Variants in AKTIP observed in about 807,000 individuals in gnomAD.
AKTIP encodes the protein AKT-interacting protein.
Under a neutral mutation model 39.1 loss-of-function variants are expected in AKTIP, and 16 were observed. That is an observed-to-expected ratio of 0.41 (90% confidence interval 0.28 to 0.62). The LOEUF is 0.62. Among genes scored for constraint, AKTIP ranks in the 20% least tolerant of loss-of-function variants. The pLI, the probability that AKTIP is intolerant of heterozygous loss-of-function variation, is 0.32. For missense variants in AKTIP, 262 were observed against 356.6 expected, an observed-to-expected ratio of 0.73 and a Z score of 2.14; for synonymous variants, 93 against 124.3, an observed-to-expected ratio of 0.75 and a Z score of 1.67.
At chr16:53,497,724 C>T (rs1192945237) in intron 3 of AKTIP, among the ~76,000 whole-genome samples, 6 of 152,236 alleles carry the variant, frequency 3.9e-5, no homozygotes, top group African/African-American at 9.6e-5. Flanking sequence ...TTCACATAAA[C>T]GAAGACTAAA....
chr16:53,503,629 AC>A (rs1962320404), upstream of AKTIP, among the ~76,000 whole-genome samples: 1 of 152,128 alleles, frequency 6.6e-6, no homozygotes, highest in Admixed American at 6.5e-5. Context: ...CCACAGCGCA[AC>A]CGCCATGCGC....
chr16:53,499,898 C>T (rs1413893086), intron 2 of AKTIP, among the ~76,000 whole-genome samples: 1 of 152,206 alleles, frequency 6.6e-6, no homozygotes, highest in Non-Finnish European at 1.5e-5. Flanking sequence ...GCCTTTCCCA[C>T]AGCTGTTCTA....
intron 4 of AKTIP, 41 bp from the exon 5 acceptor site, chr16:53,495,214 G>A: frequency 1.2e-6 from 2 of 1,612,710 alleles, no homozygotes; most frequent in Non-Finnish European, 1.7e-6. Flanking sequence ...AAATTTGTGT[G>A]GGAGGAACTA....
At position 53,492,478 on chromosome 16, in the gene AKTIP, G is replaced by A. The variant is rs145502301; in HGVS notation, c.813C>T (p.Gly271=). Residue 271 remains glycine (G), a synonymous_variant, in exon 10 of 10, where the codon GGC becomes GGT. Transcript: ENST00000394657. The stretch of plus-strand genomic sequence containing the variant: ...CTGAGCCAGGCTTTACCCATGACAG[G>A]CCAGCAACATGAACACTTTTATTGT... The part of the protein sequence containing the change: ...EQHNKSVHVA[G]LSWVKPGSVQ... 8.7e-6 allele frequency: 14 copies of A among 1,613,810 alleles called. No homozygotes were observed. The highest frequency in any genetic ancestry group is 1.2e-5 in the Non-Finnish European group (14 of 1,180,020).
chr16:53,496,985 G>T (rs891736346), intron 3 of AKTIP, among the ~76,000 whole-genome samples: 1 of 151,960 alleles, frequency 6.6e-6, no homozygotes, highest in Non-Finnish European at 1.5e-5. Context: ...TTTTTTTAGA[G>T]ACGGGGTCAC....
In AKTIP at chr16:53,491,741, ATTAGTCATTTATCAT is replaced by A. The variant is rs1961481134; in HGVS notation, c.*656_*670del. The A allele has an allele frequency of 6.6e-6, 1 of 152,652 alleles. No homozygotes were observed. Among genetic ancestry groups the A allele is most frequent in the Non-Finnish European group, 1.5e-5 (1 of 68,042 alleles). 9.5% of individuals were successfully genotyped at this position (152,652 alleles called of 1,614,324 possible). A position where few individuals can be genotyped will look rare whatever the true frequency, so the allele number is the denominator to read the frequency against. On this transcript the variant is annotated 3_prime_UTR_variant, in exon 10 of 10. Transcript: ENST00000394657. ...GGTTTATTTTGTCTCTACTAAACAC[ATTAGTCATTTATCAT>A]TTAAATACCGGACTTCATTAGAAAC...
intron 1 of AKTIP, chr16:53,500,966 C>T (rs1962133658): frequency 6.6e-6 from 1 of 152,216 alleles, no homozygotes; most frequent in South Asian, 2.1e-4. Flanking sequence ...GTTACTAGCA[C>T]ATCTCGGCAT....
intron 8 of AKTIP, 107 bp from the exon 9 acceptor site, chr16:53,492,860 ATT>A: frequency 1.1e-6 from 1 of 903,728 alleles, no homozygotes. Flanking sequence ...AAAGCACAGT[ATT>A]TTTTATTGTT....
chr16:53,494,982 A>G, intron 5 of AKTIP, 91 bp downstream of exon 5: 1 of 1,153,764 alleles, frequency 8.7e-7, no homozygotes, highest in Non-Finnish European at 1.3e-6. Context: ...TCATAAAGGT[A>G]CCAGGTCAGG....
At chr16:53,494,808 C>T (rs1212653953) in intron 5 of AKTIP, 1 of 700,664 alleles carries the variant, frequency 1.4e-6, no homozygotes, top group South Asian at 1.6e-5. Context: ...AACTCCCTCT[C>T]CTCCACTAGA....
chr16:53,494,101 G>T, intron 8 of AKTIP, 37 bp downstream of exon 8: 1 of 1,462,090 alleles, frequency 6.8e-7, no homozygotes, highest in Non-Finnish European at 9.6e-7. Flanking sequence ...TATTGGAAAG[G>T]ACAGTGGACA....
intron 8 of AKTIP, 151 bp downstream of exon 8, chr16:53,493,987 C>A: frequency 1.6e-6 from 1 of 608,674 alleles, no homozygotes; most frequent in South Asian, 2.1e-5. Context: ...CAAGAGGCAT[C>A]AGAAATCGAG....
At chr16:53,495,437 G>A (rs1961773355) in intron 3 of AKTIP, 111 bp from the exon 4 acceptor site, 1 of 982,744 alleles carries the variant, frequency 1.0e-6, no homozygotes, top group African/African-American at 1.6e-5. Context: ...GGCAGCTGAT[G>A]CCCAAACCCT....
chr16:53,504,281 C>G (rs981732554), upstream of AKTIP: 2 of 152,508 alleles, frequency 1.3e-5, no homozygotes, highest in South Asian at 4.2e-4. Context: ...CGCGACAGCC[C>G]TCTCCCCGCA....
At chr16:53,495,650 T>C (rs527806997) in intron 3 of AKTIP, among the ~76,000 whole-genome samples, 26 of 152,316 alleles carry the variant, frequency 1.7e-4, no homozygotes, top group Middle Eastern at 3.4e-3. Context: ...CAAAACATCA[T>C]CTTGGAAACC....
intron 8 of AKTIP, chr16:53,493,862 T>C: frequency 2.4e-6 from 1 of 416,864 alleles, no homozygotes; most frequent in Non-Finnish European, 4.3e-6. Context: ...AGAAGAGTCC[T>C]GACATGGGAA....
At chr16:53,493,097 T>C (rs1207932594) in intron 8 of AKTIP, 1 of 230,530 alleles carries the variant, frequency 4.3e-6, no homozygotes, top group Non-Finnish European at 8.8e-6. Context: ...TGAGACTGAG[T>C]CTAGTTCTGT....
intron 3 of AKTIP, among the ~76,000 whole-genome samples, chr16:53,497,585 G>A (rs1961916365): frequency 6.6e-6 from 1 of 152,116 alleles, no homozygotes; most frequent in African/African-American, 2.4e-5. Flanking sequence ...CATCTGTCAG[G>A]AGGCTGCCTA....
intron 8 of AKTIP, 134 bp downstream of exon 8, chr16:53,494,004 C>T (rs1961668900): frequency 1.5e-6 from 1 of 659,422 alleles, no homozygotes; most frequent in East Asian, 2.7e-5. Flanking sequence ...CGAGTTGGCA[C>T]CAAGTTATAA....
Sources: gnomAD v4.1 joint callset for allele counts (sites outside exome capture counted in the v4.1 genomes callset) on GRCh38, gnomAD v4.1.1 for gene constraint, MANE v1.5 for transcripts, NCBI Gene and HGNC (gene_info 2026-07-23, HGNC 2026-07-21) for gene names.